The following IL17B variants were observed in gnomAD, a reference collection of about 807,000 sequenced individuals.
IL17B encodes the protein interleukin 17B, also known as interleukin-17B.
Under a neutral mutation model 14.7 loss-of-function variants are expected in IL17B, and 14 were observed. The observed-to-expected ratio is 0.95, with a 90% confidence interval of 0.63 to 1.49. IL17B has a LOEUF of 1.49. Ranked by LOEUF, IL17B falls within the 40% of genes most tolerant of loss-of-function variation. The probability of loss-of-function intolerance (pLI) is 0.00; values close to 1 mark genes in which losing one functional copy is unlikely to be tolerated. For missense variants in IL17B, 233 were observed against 252.8 expected, an observed-to-expected ratio of 0.92 and a Z score of 0.53; for synonymous variants, 105 against 94.8, an observed-to-expected ratio of 1.11 and a Z score of -0.62.
chr5:149,394,708 G>A (rs934481732), intron 1 of IL17B, among the ~76,000 whole-genome samples: 5 of 152,142 alleles, frequency 3.3e-5, no homozygotes, highest in South Asian at 2.1e-4. Context: ...ATATTTTGAC[G>A]TCTTGCATAA....
chr5:149,385,682 C>G (rs1254652805), intron 1 of IL17B, among the ~76,000 whole-genome samples: 1 of 152,348 alleles, frequency 6.6e-6, no homozygotes, highest in East Asian at 1.9e-4. Context: ...GGATGTTTAT[C>G]CTCTGCTCAG....
Position 149,377,004 on chromosome 5 carries a change from T to C in IL17B, c.43A>G (p.Ile15Val). 1 of 1,562,784 alleles carries C rather than the reference T, an allele frequency of 6.4e-7. No individual in the cohort carries two copies. The highest frequency in any genetic ancestry group is 8.6e-7 in the Non-Finnish European group (1 of 1,159,902). ...HNLLFLLTIS[I>V]FLGLGQPRSP... ...CTGGGCTGGCCCAGCCCCAGGAAGATGGAAATGGTAAGAAGAAACAGCTGG... is the reference window on the plus strand; with the variant it reads ...CTGGGCTGGCCCAGCCCCAGGAAGACGGAAATGGTAAGAAGAAACAGCTGG... The change falls in exon 2 of 3, where the codon ATC becomes GTC. Residue 15 changes from isoleucine (I) to valine (V), a missense_variant. By Grantham distance (29) the Ile-to-Val change is conservative. Transcript: ENST00000261796.
chr5:149,375,483 T>C (rs1758501680), intron 2 of IL17B, among the ~76,000 whole-genome samples: 1 of 152,244 alleles, frequency 6.6e-6, no homozygotes, highest in Admixed American at 6.5e-5. Flanking sequence ...GAGTGATTCA[T>C]TGGCACAATC....
chr5:149,385,901 G>T (rs1329146957), intron 1 of IL17B, among the ~76,000 whole-genome samples: 1 of 152,226 alleles, frequency 6.6e-6, no homozygotes, highest in Admixed American at 6.5e-5. Flanking sequence ...GGCCACATCT[G>T]TGGGGACGTG....
intron 1 of IL17B, 29 bp downstream of exon 1, chr5:149,379,176 T>C: frequency 9.3e-6 from 15 of 1,613,522 alleles, no homozygotes; most frequent in Non-Finnish European, 1.3e-5. Context: ...TAAAAAGGGG[T>C]GGGGGTGCGG....
intron 1 of IL17B, among the ~76,000 whole-genome samples, chr5:149,403,022 A>G (rs897785995): frequency 2.0e-5 from 3 of 151,576 alleles, no homozygotes; most frequent in African/African-American, 7.3e-5. Flanking sequence ...AAAAAAAAAA[A>G]AAACTCAATA....
At chr5:149,402,147 C>A (rs1020711044) in intron 1 of IL17B, among the ~76,000 whole-genome samples, 1 of 152,164 alleles carries the variant, frequency 6.6e-6, no homozygotes, top group Non-Finnish European at 1.5e-5. Context: ...GGTGTCCAGA[C>A]CCATGTGGTC....
At position 149,374,501 on chromosome 5, in the gene IL17B, G is replaced by C; in HGVS notation, c.411C>G (p.Ser137Arg). The C allele has an allele frequency of 6.2e-7, 1 of 1,613,214 alleles. No homozygotes were observed. The highest frequency in any genetic ancestry group is 8.5e-7 in the Non-Finnish European group (1 of 1,180,000). The change falls in exon 3 of 3, where the codon AGC (serine) becomes AGG (arginine). Residue 137 changes from serine (S) to arginine (R), a missense_variant. Physicochemically the swap from Ser to Arg is moderately radical, Grantham distance 110 (BLOSUM62 -1). Transcript: ENST00000261796. This position sits in a 1 kb window ranked among gnomAD's most constrained non-coding sequence, Gnocchi z 5.0. ...VNPFTMQEDR[S>R]MVSVPVFSQV... is the part of the protein sequence containing the mutation. ...GGCTGAACACCGGCACGCTCACCAT[G>C]CTGCGGTCCTCCTGCATGGTGAAGG...
chr5:149,401,927 C>T (rs1310033244), intron 1 of IL17B, among the ~76,000 whole-genome samples: 4 of 152,196 alleles, frequency 2.6e-5, no homozygotes, highest in East Asian at 1.9e-4. Context: ...ACACATCGAA[C>T]GGTGCATTTT....
At chr5:149,396,780 A>G (rs889001197) in intron 1 of IL17B, among the ~76,000 whole-genome samples, 3 of 152,170 alleles carry the variant, frequency 2.0e-5, no homozygotes, top group African/African-American at 7.2e-5. Flanking sequence ...ATAAAAATAA[A>G]AGTAAGAATA....
At chr5:149,386,898 G>A (rs182751610) in intron 1 of IL17B, among the ~76,000 whole-genome samples, 1 of 152,242 alleles carries the variant, frequency 6.6e-6, no homozygotes, top group Admixed American at 6.5e-5. Context: ...TACAGATAGG[G>A]TTTCATCATG....
At chr5:149,381,951 T>G (rs968386097), upstream of IL17B, among the ~76,000 whole-genome samples, 2 of 152,124 alleles carry the variant, frequency 1.3e-5, no homozygotes, top group African/African-American at 4.8e-5. Flanking sequence ...CATGCGTGAA[T>G]GAAGGACTGG....
intron 1 of IL17B, among the ~76,000 whole-genome samples, chr5:149,394,479 C>T (rs1159897823): frequency 2.6e-5 from 4 of 152,204 alleles, no homozygotes; most frequent in Non-Finnish European, 4.4e-5. Flanking sequence ...TTTACATACA[C>T]GCATTATGCT....
intron 1 of IL17B, among the ~76,000 whole-genome samples, chr5:149,401,734 G>A (rs182360982): frequency 6.6e-6 from 1 of 152,286 alleles, no homozygotes; most frequent in East Asian, 1.9e-4. Context: ...CAGCCTGGGT[G>A]ACAGAGGAAG....
intron 1 of IL17B, among the ~76,000 whole-genome samples, chr5:149,388,332 T>C (rs572724945): frequency 3.8e-4 from 58 of 152,296 alleles, no homozygotes; most frequent in Non-Finnish European, 3.8e-4. Context: ...TTCCCTTGTA[T>C]TCTATCCCAT....
At chr5:149,397,003 T>C (rs1759106378) in intron 1 of IL17B, among the ~76,000 whole-genome samples, 1 of 152,190 alleles carries the variant, frequency 6.6e-6, no homozygotes, top group Non-Finnish European at 1.5e-5. Context: ...ATTTTTCACC[T>C]GTGTCTTCAC....
Position 149,385,635 on chromosome 5 carries a change from C to A in IL17B, n.96-8610G>T, listed in dbSNP as rs181893562. Among the ~76,000 whole-genome samples, 448 of 152,344 alleles carry A rather than the reference C, an allele frequency of 2.9e-3. 1 individual carries two copies. The highest frequency in any genetic ancestry group is 0.01 in the African/African-American group (424 of 41,576). ...TCCAGGGCAGACAGAGGCGCCAGGC[C>A]CCCTGCCCACTGGAGTGTCCTCCCC... On this transcript the variant is annotated intron_variant and non_coding_transcript_variant, in intron 1 of 2. Transcript: ENST00000505432.
chr5:149,391,885 A>G (rs377754645), intron 1 of IL17B, among the ~76,000 whole-genome samples: 2 of 152,196 alleles, frequency 1.3e-5, no homozygotes, highest in African/African-American at 2.4e-5. Context: ...CTTGTCTCAC[A>G]TTAGTCCTCA....
intron 1 of IL17B, among the ~76,000 whole-genome samples, chr5:149,388,161 G>A (rs1758864931): frequency 6.6e-6 from 1 of 152,194 alleles, no homozygotes. Flanking sequence ...ATGCCAGAGG[G>A]ATAAGTTTTC....
Sources: allele counts gnomAD v4.1 joint callset (sites outside exome capture counted in the v4.1 genomes callset), GRCh38; gene constraint gnomAD v4.1.1; non-coding constraint Gnocchi (gnomAD v3.1); transcripts MANE v1.5; gene names NCBI Gene and HGNC (gene_info 2026-07-23, HGNC 2026-07-21).